The following TIGD6 variants were observed in gnomAD, a reference collection of about 807,000 sequenced individuals.
The protein encoded by TIGD6 is tigger transposable element-derived protein 6.
Under a neutral mutation model 2.6 loss-of-function variants are expected in TIGD6, and 1 was observed. The observed-to-expected ratio is 0.39, with a 90% CI of 0.14 to 1.85. The LOEUF (loss-of-function observed/expected upper bound fraction) is 1.85. Among genes scored for constraint, TIGD6 ranks in the 40% most tolerant of loss-of-function variants. TIGD6 has a pLI of 0.32. For missense variants in TIGD6, 601 were observed against 634.2 expected (o/e 0.95, Z 0.56); for synonymous variants, 193 against 221.9 (o/e 0.87, Z 1.16).
intron 1 of TIGD6, among the ~76,000 whole-genome samples, chr5:149,999,629 G>C (rs542190297): frequency 7.2e-5 from 11 of 152,172 alleles, no homozygotes; most frequent in Non-Finnish European, 1.3e-4. Flanking sequence ...CATTTACTGA[G>C]GTGGGAGGAT....
In TIGD6 at chr5:149,994,166, G is replaced by C. The variant is rs1168568982; in HGVS notation, c.*617C>G. The C allele has an allele frequency of 6.6e-6, 1 of 152,218 alleles. No homozygotes were observed. Among genetic ancestry groups the C allele is most frequent in the Non-Finnish European group, 1.5e-5 (1 of 68,056 alleles). The allele number at this position is 152,218 out of a possible 1,614,324, so 9.4% of individuals were successfully genotyped here. On this transcript the variant is annotated 3_prime_UTR_variant, in exon 2 of 2. Coordinates refer to ENST00000296736, the MANE Select transcript of TIGD6 (RefSeq NM_030953.4). ...CTAGACCAGTGGTTTTCAAAGCATG[G>C]AGCCTGGACTGCATCAGCTGAGAAT...
Position 149,995,795 on chromosome 5 carries a change from A to G in TIGD6, c.554T>C (p.Phe185Ser). 1 of 1,614,200 alleles carries G rather than the reference A, an allele frequency of 6.2e-7. No individual in the cohort carries two copies. The highest frequency in any genetic ancestry group is 8.5e-7 in the Non-Finnish European group (1 of 1,180,040). ...AAGTGTGTGCTGGGGAAGCAACTGG[A>G]AAAACACTCCTGTCTCATCAGCATT... ...IFNADETGVF[F>S]QLLPQHTLAA... The change falls in exon 2 of 2, where the codon TTC becomes TCC. Residue 185 changes from phenylalanine (F) to serine (S), a missense_variant. Phe to Ser is a radical substitution (Grantham distance 155). Transcript: ENST00000296736.
intron 1 of TIGD6, 143 bp from the exon 2 acceptor site, chr5:149,996,572 T>C: frequency 1.8e-6 from 1 of 561,572 alleles, no homozygotes; most frequent in Non-Finnish European, 2.9e-6. Context: ...TGACTTTTTG[T>C]AGAGGCTACT....
Position 149,997,865 on chromosome 5 carries a change from G to A in TIGD6, c.-81-1436C>T, listed in dbSNP as rs1035514447. Among the ~76,000 whole-genome samples the A allele has an allele frequency of 9.2e-5, 14 of 152,310 alleles. No individual in the cohort carries two copies. The South Asian group carries it at 2.9e-3, about 32-fold the overall frequency. On this transcript the variant is annotated intron_variant, in intron 1 of 1. Coordinates refer to ENST00000296736, the MANE Select transcript of TIGD6 (RefSeq NM_030953.4). Reference sequence around the variant, plus strand: ...AGTCCCAGCTACTCGGGAGGCTGAGGCAGGAGAATGGTGTGAACCCGGGAG... The same window carrying A: ...AGTCCCAGCTACTCGGGAGGCTGAGACAGGAGAATGGTGTGAACCCGGGAG...
Position 149,995,046 on chromosome 5 carries a change from T to C in TIGD6, c.1303A>G (p.Ile435Val), listed in dbSNP as rs758640550. ...DDLIISQDTDIIQDMVAGENT... is the reference protein window; with the variant it reads ...DDLIISQDTDVIQDMVAGENT... ...TCGCCAGCCACCATGTCCTGGATGA[T>C]GTCTGTGTCCTGAGAGATAATGAGA... The change falls in exon 2 of 2, where the codon ATC becomes GTC. Residue 435 changes from isoleucine to valine, a missense_variant. Ile to Val is a conservative substitution (Grantham distance 29). Transcript: ENST00000296736. The C allele has an allele frequency of 5.0e-6, 8 of 1,614,140 alleles. No homozygotes were observed. The African/African-American group carries it at 5.3e-5, about 11-fold the overall frequency.
In TIGD6 at chr5:149,995,679, T is replaced by G. The variant is rs1287138068; in HGVS notation, c.670A>C (p.Met224Leu). 11 of 1,614,096 alleles carry G rather than the reference T, an allele frequency of 6.8e-6. No individual in the cohort carries two copies. The Admixed American group carries it at 1.2e-4, about 17-fold the overall frequency. Residue 224 changes from methionine to leucine, a missense_variant, in exon 2 of 2, where the codon ATG becomes CTG. Transcript: ENST00000296736. ...GACCTACCAACAATCAATGGTCTCA[T>G]TTTTTCAGTCCCCGAGGCATTGCAA... ...FCCNASGTEK[M>L]RPLIVGRSAS...
rs753323783 is a variant in TIGD6, at chr5:149,995,728, C to G, written c.621G>C (p.Lys207Asn). The change falls in exon 2 of 2, where the codon AAG becomes AAC. Residue 207 changes from lysine to asparagine, a missense_variant. Transcript: ENST00000296736. ...GDHCRGGKKA[K>N]QRLTALFCCN... ...AACAAAAGAGTGCTGTCAACCGCTG[C>G]TTTGCTTTCTTGCCCCCTCTACAGT... 2 of 1,614,250 alleles carry G rather than the reference C, an allele frequency of 1.2e-6. No homozygotes were observed. Among genetic ancestry groups the G allele is most frequent in the South Asian group, 2.2e-5 (2 of 91,086 alleles).
rs1581237057 is a variant in TIGD6, at chr5:149,994,700, T to C, written c.*83A>G. 9.0e-6 allele frequency: 12 copies of C among 1,336,068 alleles called. No homozygotes were observed. The South Asian group carries it at 1.9e-4, about 22-fold the overall frequency. 82.8% of individuals were successfully genotyped at this position (1,336,068 alleles called of 1,614,324 possible). A position where few individuals can be genotyped will look rare whatever the true frequency, so the allele number is the denominator to read the frequency against. On this transcript the variant is annotated 3_prime_UTR_variant, in exon 2 of 2. Coordinates refer to ENST00000296736, the MANE Select transcript of TIGD6 (RefSeq NM_030953.4). ...GTACTGGAATGTTGTCACAATAACATTGCTTTACTTAAATTGGCTCAACAA... is the reference window on the plus strand; with the variant it reads ...GTACTGGAATGTTGTCACAATAACACTGCTTTACTTAAATTGGCTCAACAA...
In TIGD6 at chr5:149,995,740, GC is replaced by G. The variant is rs1755368981; in HGVS notation, c.608del (p.Gly203AlafsTer8). On this transcript the variant is annotated frameshift_variant, in exon 2 of 2. Coordinates refer to ENST00000296736, the MANE Select transcript of TIGD6 (RefSeq NM_030953.4). LOFTEE classifies it low-confidence loss of function (END_TRUNC). ...LAAKGDHCRG[G>X]KKAKQRLTAL... is the part of the protein sequence containing the mutation. Reference sequence around the variant, plus strand: ...CTGTCAACCGCTGCTTTGCTTTCTTGCCCCCTCTACAGTGGTCTCCTTTAGC... The same window carrying G: ...CTGTCAACCGCTGCTTTGCTTTCTTGCCCCTCTACAGTGGTCTCCTTTAGC... 6.2e-7 allele frequency: 1 copy of G among 1,614,058 alleles called. No individual in the cohort carries two copies.
rs370101270 is a variant in TIGD6, at chr5:149,995,838, T to G, written c.511A>C (p.Ser171Arg). 8 of 1,614,126 alleles carry G rather than the reference T, an allele frequency of 5.0e-6. No homozygotes were observed. In the African/African-American group the frequency reaches 1.1e-4, roughly 22 times the overall value. Residue 171 changes from serine (S) to arginine (R), a missense_variant, in exon 2 of 2, where the codon AGC becomes CGC. Physicochemically the swap from Ser to Arg is moderately radical, Grantham distance 110. Coordinates refer to ENST00000296736, the MANE Select transcript of TIGD6 (RefSeq NM_030953.4). ...GEIIKLIADY[S>R]PDDIFNADET... ...TCAGCATTAAAGATATCATCTGGGC[T>G]GTAGTCAGCAATCAGTTTTATAATT...
chr5:149,995,751 A>G lies in TIGD6; in HGVS notation c.598T>C (p.Cys200Arg), dbSNP rs1755369453. 2 of 1,614,202 alleles carry G rather than the reference A, an allele frequency of 1.2e-6. No homozygotes were observed. The highest frequency in any genetic ancestry group is 1.1e-5 in the South Asian group (1 of 91,078). The stretch of plus-strand genomic sequence containing the variant: ...TGCTTTGCTTTCTTGCCCCCTCTAC[A>G]GTGGTCTCCTTTAGCAGCAAGTGTG... ...QHTLAAKGDH[C>R]RGGKKAKQRL... The change falls in exon 2 of 2, where the codon TGT becomes CGT. Residue 200 changes from cysteine (C) to arginine (R), a missense_variant. By Grantham distance (180) the Cys-to-Arg change is radical. Transcript: ENST00000296736.
In TIGD6 at chr5:149,996,377, A is replaced by G. The variant is rs377080412; in HGVS notation, c.-29T>C. On this transcript the variant is annotated 5_prime_UTR_variant, in exon 2 of 2. Transcript: ENST00000296736. ...CAGGGAATGAGGGCTGGCCACAACT[A>G]ACAGGACTGTCTGGTTCCTCCTCGC... The G allele has an allele frequency of 2.5e-6, 4 of 1,570,560 alleles. No individual in the cohort carries two copies. The highest frequency in any genetic ancestry group is 3.4e-6 in the Non-Finnish European group (4 of 1,160,448).
rs767265386 is a variant in TIGD6 at position 149,994,875 on chromosome 5, CA to C, written c.1473del (p.Phe491LeufsTer4). 5 of 1,607,516 alleles carry C rather than the reference CA, an allele frequency of 3.1e-6. No homozygotes were observed. Among genetic ancestry groups the C allele is most frequent in the South Asian group, 1.1e-5 (1 of 90,092 alleles). On this transcript the variant is annotated frameshift_variant, in exon 2 of 2. Transcript: ENST00000296736. LOFTEE classifies it high-confidence loss of function. ...STCVDIPDAI[F>X]GQLNGIDEYL... ...TATTCATCTATGCCATTTAATTGTC[CA>C]AAAATGGCATCAGGAATGTCTACAC...
rs1415500122 is a variant in TIGD6 at position 149,995,550 on chromosome 5, G to T, written c.799C>A (p.Gln267Lys). ...GCCCTCTTCATCCTGGCATCCACTT[G>T]CATCAGCCACTCATTAAACAGATCC... ...TRDLFNEWLMQVDARMKRAER... is the reference protein window; with the variant it reads ...TRDLFNEWLMKVDARMKRAER... Residue 267 changes from glutamine (Q) to lysine (K), a missense_variant, in exon 2 of 2, where the codon CAA (glutamine) becomes AAA (lysine). Gln to Lys is a moderately conservative substitution (Grantham distance 53). Coordinates refer to ENST00000296736, the MANE Select transcript of TIGD6 (RefSeq NM_030953.4). 3.7e-6 allele frequency: 6 copies of T among 1,614,228 alleles called. No homozygotes were observed. Among genetic ancestry groups the T allele is most frequent in the East Asian group, 2.2e-5 (1 of 44,890 alleles).
At chr5:149,996,467 G>T in intron 1 of TIGD6, 38 bp from the exon 2 acceptor site, 2 of 1,364,862 alleles carry the variant, frequency 1.5e-6, no homozygotes, top group East Asian at 2.4e-5. Context: ...AGGAAACAAT[G>T]GATTTCCCCT....
Position 149,995,062 on chromosome 5 carries a change from GATA to G in TIGD6, c.1284_1286del (p.Ile429del), listed in dbSNP as rs1755349662. ...CCTGGATGATGTCTGTGTCCTGAGAGATAATGAGATCATCATCTGCAGTAACAA... is the reference window on the plus strand; with the variant it reads ...CCTGGATGATGTCTGTGTCCTGAGAGATGAGATCATCATCTGCAGTAACAA... On this transcript the variant is annotated inframe_deletion, in exon 2 of 2. Transcript: ENST00000296736. The G allele has an allele frequency of 1.2e-6, 2 of 1,614,200 alleles. No individual in the cohort carries two copies. Among genetic ancestry groups the G allele is most frequent in the African/African-American group, 2.7e-5 (2 of 75,036 alleles).
chr5:149,996,578 C>T (rs188088126), intron 1 of TIGD6, 149 bp from the exon 2 acceptor site: 1 of 547,382 alleles, frequency 1.8e-6, no homozygotes, highest in Non-Finnish European at 3.0e-6. Context: ...TTTGTAGAGG[C>T]TACTTGTAAA....
In TIGD6 at chr5:149,996,299, T is replaced by G; in HGVS notation, c.50A>C (p.Lys17Thr). The G allele has an allele frequency of 6.2e-7, 1 of 1,613,648 alleles. No homozygotes were observed. The highest frequency in any genetic ancestry group is 8.5e-7 in the Non-Finnish European group (1 of 1,179,894). Residue 17 changes from lysine (K) to threonine (T), a missense_variant, in exon 2 of 2, where the codon AAA (lysine) becomes ACA (threonine). Physicochemically the swap from Lys to Thr is moderately conservative, Grantham distance 78. Transcript: ENST00000296736. ...KKRRQFSLEE[K>T]MKVVGAVDSG... is the part of the protein sequence containing the mutation. ...GTCTACAGCTCCCACAACTTTCATT[T>G]TCTCCTCCAGAGAGAACTGCCGACG...
chr5:149,994,704 T>G lies in TIGD6; in HGVS notation c.*79A>C. ...TGGAATGTTGTCACAATAACATTGC[T>G]TTACTTAAATTGGCTCAACAACCTA... On this transcript the variant is annotated 3_prime_UTR_variant, in exon 2 of 2. Transcript: ENST00000296736. The G allele has an allele frequency of 7.3e-7, 1 of 1,363,740 alleles. No homozygotes were observed. The highest frequency in any genetic ancestry group is 9.8e-7 in the Non-Finnish European group (1 of 1,023,402). 84.5% of individuals were successfully genotyped at this position (1,363,740 alleles called of 1,614,324 possible).
Sources: gnomAD v4.1 joint callset for allele counts (sites outside exome capture counted in the v4.1 genomes callset) on GRCh38, gnomAD v4.1.1 for gene constraint, MANE v1.5 for transcripts, NCBI Gene and HGNC (gene_info 2026-07-23, HGNC 2026-07-21) for gene names.